The following MACROD2 variants were observed in gnomAD, a reference collection of about 807,000 sequenced individuals.
MACROD2 encodes ADP-ribose glycohydrolase MACROD2.
Under a neutral mutation model 70.4 loss-of-function variants are expected in MACROD2, and 36 were observed. The observed-to-expected ratio is 0.51, with a 90% CI of 0.39 to 0.68. The LOEUF (loss-of-function observed/expected upper bound fraction) is 0.68, where lower values mean the gene tolerates loss of function less well. MACROD2 is among the 30% of genes least tolerant of loss of function. The pLI is 0.00. For missense variants in MACROD2, 496 were observed against 538.4 expected (o/e 0.92, Z 0.78); for synonymous variants, 172 against 178.8 (o/e 0.96, Z 0.30).
intron 8 of MACROD2, among the ~76,000 whole-genome samples, chr20:15,526,108 G>A (rs2047718352): frequency 6.6e-6 from 1 of 152,140 alleles, no homozygotes; most frequent in East Asian, 1.9e-4. Context: ...ATTACTGTAA[G>A]CTCCACAAAG....
At chr20:14,861,022 A>T (rs1197202787) in intron 5 of MACROD2, among the ~76,000 whole-genome samples, 2 of 152,096 alleles carry the variant, frequency 1.3e-5, no homozygotes, top group African/African-American at 4.8e-5. Flanking sequence ...TCAGCAGTTC[A>T]CAGTTTTTAT....
At chr20:15,014,830 A>G (rs1209127012) in intron 5 of MACROD2, among the ~76,000 whole-genome samples, 1 of 152,168 alleles carries the variant, frequency 6.6e-6, no homozygotes, top group Non-Finnish European at 1.5e-5. Context: ...TCTATCGTTA[A>G]GACCTAAATT....
chr20:15,511,975 T>C lies in MACROD2; in HGVS notation c.645+12128T>C, dbSNP rs537768818. Among the ~76,000 whole-genome samples, 210 of 152,372 alleles carry C rather than the reference T, an allele frequency of 1.4e-3. 1 individual carries two copies. Among genetic ancestry groups the C allele is most frequent in the Non-Finnish European group, 2.5e-3 (173 of 68,034 alleles). ...AGTGGTTGAGAAAGATTAGGCCAGT[T>C]GCTCTCAACAATCTTTTATGGCTAA... On this transcript the variant is annotated intron_variant, in intron 8 of 17. Transcript: ENST00000684519.
At chr20:14,648,300 A>G (rs541654460) in intron 4 of MACROD2, among the ~76,000 whole-genome samples, 284 of 152,338 alleles carry the variant, frequency 1.9e-3, no homozygotes, top group African/African-American at 6.4e-3. Context: ...CAATATTTAC[A>G]TTACAAATAA....
intron 5 of MACROD2, among the ~76,000 whole-genome samples, chr20:14,882,219 T>C (rs1184839908): frequency 6.6e-6 from 1 of 152,176 alleles, no homozygotes; most frequent in Non-Finnish European, 1.5e-5. Flanking sequence ...CACTGAAACA[T>C]GGCAAACATT....
At chr20:15,635,986 C>T (rs541659390) in intron 8 of MACROD2, among the ~76,000 whole-genome samples, 12 of 145,282 alleles carry the variant, frequency 8.3e-5, no homozygotes, top group Admixed American at 2.2e-4. Context: ...GAGAACTGTT[C>T]GAGCCCAAAA....
intron 2 of MACROD2, among the ~76,000 whole-genome samples, chr20:14,056,623 T>G (rs1382948232): frequency 6.6e-6 from 1 of 150,930 alleles, no homozygotes; most frequent in Non-Finnish European, 1.5e-5. Flanking sequence ...TATTTAAAAA[T>G]GATGAAATGT....
intron 3 of MACROD2, among the ~76,000 whole-genome samples, chr20:14,179,770 A>C (rs1169454575): frequency 6.6e-6 from 1 of 152,186 alleles, no homozygotes; most frequent in Non-Finnish European, 1.5e-5. Flanking sequence ...GTGGAAGTAC[A>C]GTAGAGCATT....
chr20:15,318,367 A>G (rs750223953), intron 6 of MACROD2, among the ~76,000 whole-genome samples: 3 of 152,242 alleles, frequency 2.0e-5, no homozygotes, highest in African/African-American at 7.2e-5. Context: ...GCCTAAGACC[A>G]GATGGTTTTA....
At chr20:14,058,067 G>T (rs1449911511) in intron 2 of MACROD2, among the ~76,000 whole-genome samples, 1 of 152,194 alleles carries the variant, frequency 6.6e-6, no homozygotes, top group Non-Finnish European at 1.5e-5. Context: ...AAGGGATAGG[G>T]ATTGGGAAGT....
At chr20:14,111,208 A>G (rs570823708) in intron 3 of MACROD2, among the ~76,000 whole-genome samples, 1 of 152,230 alleles carries the variant, frequency 6.6e-6, no homozygotes, top group African/African-American at 2.4e-5. Flanking sequence ...CTCATCATAT[A>G]CAAAAGTCAA....
chr20:14,866,606 A>T (rs1267407232), intron 5 of MACROD2, among the ~76,000 whole-genome samples: 1 of 152,156 alleles, frequency 6.6e-6, no homozygotes, highest in Non-Finnish European at 1.5e-5. Context: ...GGAGAACAAC[A>T]GTTAATCTAC....
chr20:15,570,467 T>C (rs1285673588), intron 8 of MACROD2, among the ~76,000 whole-genome samples: 1 of 152,222 alleles, frequency 6.6e-6, no homozygotes. Context: ...GTACATCTTT[T>C]AGTTATGAAC....
At chr20:15,213,879 A>C (rs755836647) in intron 5 of MACROD2, among the ~76,000 whole-genome samples, 5 of 151,894 alleles carry the variant, frequency 3.3e-5, no homozygotes, top group Non-Finnish European at 7.4e-5. Flanking sequence ...AGAGAATTCC[A>C]AGGGCAATTT....
At chr20:14,437,977 C>T (rs1195329229) in intron 3 of MACROD2, among the ~76,000 whole-genome samples, 2 of 152,066 alleles carry the variant, frequency 1.3e-5, no homozygotes, top group Non-Finnish European at 2.9e-5. Flanking sequence ...ACTCATTTAG[C>T]AAAAATCCTG....
At chr20:14,723,338 G>A (rs775618092) in intron 5 of MACROD2, among the ~76,000 whole-genome samples, 2 of 151,816 alleles carry the variant, frequency 1.3e-5, no homozygotes, top group African/African-American at 2.4e-5. Context: ...GGAAATGAGG[G>A]GACTAGAAAA....
chr20:15,040,731 T>A (rs920366140), intron 5 of MACROD2, among the ~76,000 whole-genome samples: 4 of 152,230 alleles, frequency 2.6e-5, no homozygotes, highest in African/African-American at 9.6e-5. Context: ...TATAAAGTTA[T>A]TTTGTTTGCT....
chr20:14,903,039 CTTT>C (rs11483540), intron 5 of MACROD2, among the ~76,000 whole-genome samples: 2 of 116,748 alleles, frequency 1.7e-5, no homozygotes. Context: ...TTTTCTTTCC[CTTT>C]TTTTTTTTTT....
At chr20:14,352,972 A>T (rs1416437968) in intron 3 of MACROD2, among the ~76,000 whole-genome samples, 1 of 152,184 alleles carries the variant, frequency 6.6e-6, no homozygotes, top group African/African-American at 2.4e-5. Flanking sequence ...TTCCTTATCC[A>T]TAGGCATCTA....
Sources: allele counts gnomAD v4.1 joint callset (sites outside exome capture counted in the v4.1 genomes callset), GRCh38; gene constraint gnomAD v4.1.1; transcripts MANE v1.5; gene names NCBI Gene and HGNC (gene_info 2026-07-23, HGNC 2026-07-21).